Variants in PPP1R9A observed in about 807,000 individuals in gnomAD.
PPP1R9A encodes the protein neurabin-1.
In PPP1R9A, 59 loss-of-function variants were observed where a neutral mutation model predicts 141.9. The ratio of observed to expected loss-of-function variants is 0.42; its 90% CI spans 0.34 to 0.52. The LOEUF (loss-of-function observed/expected upper bound fraction) is 0.52. PPP1R9A is among the 20% of genes least tolerant of loss of function. The probability of loss-of-function intolerance (pLI) is 0.10; values close to 1 mark genes in which losing one functional copy is unlikely to be tolerated. For synonymous variants in PPP1R9A, 500 were observed against 569.7 expected (o/e 0.88, Z 1.74); for missense variants, 1,444 against 1,611.9 (o/e 0.90, Z 1.78).
intron 8 of PPP1R9A, among the ~76,000 whole-genome samples, chr7:95,237,815 T>C (rs940458899): frequency 1.2e-4 from 18 of 152,182 alleles, no homozygotes; most frequent in African/African-American, 4.3e-4. Context: ...TTTCTTTTGC[T>C]TTATATTTGT....
chr7:95,241,467 C>G (rs1797452918), intron 8 of PPP1R9A, among the ~76,000 whole-genome samples: 1 of 152,080 alleles, frequency 6.6e-6, no homozygotes, highest in South Asian at 2.1e-4. Flanking sequence ...CTTCATGACT[C>G]TTTTATATTC....
At chr7:95,288,801 G>A in intron 19 of PPP1R9A, 83 bp downstream of exon 19, 1 of 1,446,214 alleles carries the variant, frequency 6.9e-7, no homozygotes, top group Non-Finnish European at 9.4e-7. Flanking sequence ...TTAGGTAAGA[G>A]CATTCTGCAT....
chr7:95,015,249 T>TAC (rs144153873), intron 2 of PPP1R9A, among the ~76,000 whole-genome samples: 2 of 150,072 alleles, frequency 1.3e-5, no homozygotes, highest in Admixed American at 6.6e-5. Context: ...CACACACACA[T>TAC]ACACACACAC....
At chr7:95,064,322 C>T (rs140177392) in intron 2 of PPP1R9A, among the ~76,000 whole-genome samples, 1 of 152,102 alleles carries the variant, frequency 6.6e-6, no homozygotes, top group African/African-American at 2.4e-5. Context: ...ATAGCTCATA[C>T]CTGAATGAAG....
chr7:95,152,323 A>G (rs1828848795), intron 4 of PPP1R9A, among the ~76,000 whole-genome samples: 1 of 152,082 alleles, frequency 6.6e-6, no homozygotes. Context: ...TTCCAGGTAA[A>G]TTGTTATTTT....
At chr7:95,213,365 G>C in intron 7 of PPP1R9A, among the ~76,000 whole-genome samples, 1 of 135,782 alleles carries the variant, frequency 7.4e-6, no homozygotes, top group East Asian at 2.2e-4. Flanking sequence ...CTGTTGCCTA[G>C]ACTACAGCAC....
chr7:95,213,131 T>G (rs1345775482), intron 7 of PPP1R9A, among the ~76,000 whole-genome samples: 1 of 151,910 alleles, frequency 6.6e-6, no homozygotes, highest in Non-Finnish European at 1.5e-5. Flanking sequence ...CTCTGCTTGT[T>G]TTTTGAGCAG....
At chr7:95,021,445 T>G (rs1433676120) in intron 2 of PPP1R9A, among the ~76,000 whole-genome samples, 1 of 152,176 alleles carries the variant, frequency 6.6e-6, no homozygotes, top group African/African-American at 2.4e-5. Flanking sequence ...GATGATAGTT[T>G]CTTTTGCTTT....
At chr7:95,251,252 G>C (rs1247463557) in intron 10 of PPP1R9A, among the ~76,000 whole-genome samples, 2 of 152,108 alleles carry the variant, frequency 1.3e-5, no homozygotes, top group Non-Finnish European at 2.9e-5. Flanking sequence ...AAATGGAACT[G>C]TTTCTCTTCT....
chr7:95,280,388 A>G (rs975123769), intron 16 of PPP1R9A, among the ~76,000 whole-genome samples: 1 of 152,204 alleles, frequency 6.6e-6, no homozygotes, highest in East Asian at 1.9e-4. Context: ...TACTTCACAC[A>G]CCTGTATTCA....
intron 4 of PPP1R9A, among the ~76,000 whole-genome samples, chr7:95,143,354 A>G (rs530101160): frequency 7.8e-4 from 118 of 152,204 alleles, no homozygotes; most frequent in Non-Finnish European, 1.5e-3. Context: ...GAAGACAAAT[A>G]TTACAATTTT....
chr7:95,020,490 C>A (rs924211516), intron 2 of PPP1R9A, among the ~76,000 whole-genome samples: 10 of 152,070 alleles, frequency 6.6e-5, no homozygotes, highest in Admixed American at 4.6e-4. Context: ...ACTTTAAGTT[C>A]TAGGGTACAT....
At position 95,292,423 on chromosome 7, in the gene PPP1R9A, G is replaced by A. The variant is rs1471223088; in HGVS notation, c.*2120G>A. The A allele has an allele frequency of 6.6e-6, 1 of 152,592 alleles. No homozygotes were observed. Among genetic ancestry groups the A allele is most frequent in the Non-Finnish European group, 1.5e-5 (1 of 68,032 alleles). The allele number at this position is 152,592 out of a possible 1,614,324, so 9.5% of individuals were successfully genotyped here. A position where few individuals can be genotyped will look rare whatever the true frequency, so the allele number is the denominator to read the frequency against. On this transcript the variant is annotated 3_prime_UTR_variant, in exon 20 of 20. Coordinates refer to ENST00000433360, the MANE Select transcript of PPP1R9A (RefSeq NM_001166160.2). ...GGAAGTTTCACTGTATTCAAGAGTA[G>A]AAATAGAAGGATGATTATCTTAAGT...
At chr7:95,162,246 A>G (rs1830562968) in intron 5 of PPP1R9A, among the ~76,000 whole-genome samples, 1 of 152,208 alleles carries the variant, frequency 6.6e-6, no homozygotes. Flanking sequence ...TATAATTTCT[A>G]GTTAAAACCT....
chr7:95,086,422 A>G (rs925747964), intron 2 of PPP1R9A, among the ~76,000 whole-genome samples: 1 of 152,050 alleles, frequency 6.6e-6, no homozygotes, highest in Non-Finnish European at 1.5e-5. Context: ...TTTTGACACA[A>G]ATATAAATAA....
intron 2 of PPP1R9A, among the ~76,000 whole-genome samples, chr7:95,084,205 T>C (rs1159290785): frequency 1.3e-5 from 2 of 152,010 alleles, no homozygotes; most frequent in South Asian, 2.1e-4. Context: ...AAGAAAAGTT[T>C]AGGGAAAAAT....
At chr7:95,054,118 T>G (rs997946445) in intron 2 of PPP1R9A, among the ~76,000 whole-genome samples, 3 of 150,930 alleles carry the variant, frequency 2.0e-5, no homozygotes, top group Non-Finnish European at 4.4e-5. Context: ...CACTGTGTTT[T>G]TTTTTTTTTT....
intron 3 of PPP1R9A, among the ~76,000 whole-genome samples, chr7:95,115,275 AG>A (rs1207748940): frequency 6.6e-6 from 1 of 152,166 alleles, no homozygotes; most frequent in Non-Finnish European, 1.5e-5. Flanking sequence ...TTGTCAAATG[AG>A]GTGAATGCCC....
At chr7:95,060,699 T>C (rs1174795177) in intron 2 of PPP1R9A, among the ~76,000 whole-genome samples, 1 of 152,172 alleles carries the variant, frequency 6.6e-6, no homozygotes, top group South Asian at 2.1e-4. Flanking sequence ...CCTTAAGAAG[T>C]TGGCACTTTT....
Sources: gnomAD v4.1 joint callset for allele counts (sites outside exome capture counted in the v4.1 genomes callset) on GRCh38, gnomAD v4.1.1 for gene constraint, MANE v1.5 for transcripts, NCBI Gene and HGNC (gene_info 2026-07-23, HGNC 2026-07-21) for gene names.